The following EP300 variants were observed in gnomAD, a reference collection of about 807,000 sequenced individuals.
EP300 encodes EP300 lysine acetyltransferase.
Under a neutral mutation model 264.0 loss-of-function variants are expected in EP300, and 31 were observed. The observed-to-expected ratio is 0.12, with a 90% CI of 0.09 to 0.16. The LOEUF is 0.16. Ranked by LOEUF, EP300 falls within the 10% of genes least tolerant of loss-of-function variation. The pLI, the probability that EP300 is intolerant of heterozygous loss-of-function variation, is 1.00. For synonymous variants in EP300, 1,340 were observed against 1,045.4 expected (o/e 1.28, Z -5.44); for missense variants, 2,766 against 3,052.9 (o/e 0.91, Z 2.21).
intron 12 of EP300, among the ~76,000 whole-genome samples, chr22:41,148,595 T>A (rs887434386): frequency 1.3e-5 from 2 of 152,220 alleles, no homozygotes; most frequent in Non-Finnish European, 2.9e-5. Flanking sequence ...TTGTGGACCA[T>A]GAATGCTACC....
chr22:41,113,492 A>G (rs1385640992), intron 1 of EP300, among the ~76,000 whole-genome samples: 1 of 152,102 alleles, frequency 6.6e-6, no homozygotes, highest in Non-Finnish European at 1.5e-5. Context: ...TACTTAATTC[A>G]TTATTAGCAA....
intron 14 of EP300, among the ~76,000 whole-genome samples, chr22:41,150,880 A>G: frequency 6.6e-6 from 1 of 150,560 alleles, no homozygotes; most frequent in East Asian, 1.9e-4. Flanking sequence ...GACAGAGTGA[A>G]ACTCCGTCTA....
chr22:41,092,915 CCCCTGGGTG>C lies in EP300; in HGVS notation c.-88_-80del. ...GGTGCCGTCGGAGCCCCCCAGCCCACCCCTGGGTGCGGCGCGGGGACCCCGGGCCGAAGA... is the reference window on the plus strand; with the variant it reads ...GGTGCCGTCGGAGCCCCCCAGCCCACCGGCGCGGGGACCCCGGGCCGAAGA... On this transcript the variant is annotated 5_prime_UTR_variant, in exon 1 of 31. Transcript: ENST00000263253. 2.0e-6 allele frequency: 3 copies of C among 1,474,760 alleles called. No homozygotes were observed. The highest frequency in any genetic ancestry group is 2.8e-6 in the Non-Finnish European group (3 of 1,054,230). 91.4% of individuals were successfully genotyped at this position (1,474,760 alleles called of 1,614,324 possible). A position where few individuals can be genotyped will look rare whatever the true frequency, so the allele number is the denominator to read the frequency against.
rs2145764001 is a variant in EP300 at position 41,168,873 on chromosome 22, A to T, written c.4172+6A>T. The T allele has an allele frequency of 6.2e-7, 1 of 1,614,212 alleles. No homozygotes were observed. Among genetic ancestry groups the T allele is most frequent in the Non-Finnish European group, 8.5e-7 (1 of 1,180,040 alleles). On this transcript the variant is annotated splice_donor_region_variant and intron_variant, in intron 25 of 30. Coordinates refer to ENST00000263253, the MANE Select transcript of EP300 (RefSeq NM_001429.4). ...TGCCCTCCACCCAACCAGAGGTATG[A>T]CTAGCTCACAGTGGCTAGCTCCGGA...
Position 41,179,195 on chromosome 22 carries a change from TTG to T in EP300, c.*248_*249del, listed in dbSNP as rs1047830313. On this transcript the variant is annotated 3_prime_UTR_variant, in exon 31 of 31. Transcript: ENST00000263253. ...GGTTACCACCAGCCTTTCTTCCCCT[TTG>T]TGTGTGTGGTTCAAGTGTGCACTGG... is the stretch of plus-strand genomic sequence containing the variant. The T allele has an allele frequency of 1.1e-5, 6 of 558,434 alleles. No homozygotes were observed. Among genetic ancestry groups the T allele is most frequent in the African/African-American group, 7.5e-5 (4 of 53,240 alleles). The allele number at this position is 558,434 out of a possible 1,614,324, so 34.6% of individuals were successfully genotyped here.
chr22:41,166,762 AAT>A, intron 23 of EP300, 96 bp downstream of exon 23: 1 of 735,552 alleles, frequency 1.4e-6, no homozygotes, highest in Non-Finnish European at 2.3e-6. Flanking sequence ...TAATCACAGT[AAT>A]AGAGTAAAAA....
intron 12 of EP300, chr22:41,148,726 G>A (rs2059026163): frequency 2.4e-6 from 1 of 415,964 alleles, no homozygotes; most frequent in Non-Finnish European, 4.5e-6. Context: ...ACTTAACAGA[G>A]CATGCAAAGA....
At chr22:41,105,570 T>C (rs1260162231) in intron 1 of EP300, among the ~76,000 whole-genome samples, 1 of 151,832 alleles carries the variant, frequency 6.6e-6, no homozygotes, top group Non-Finnish European at 1.5e-5. Flanking sequence ...GGCTAATTTT[T>C]GTATTTTTAG....
chr22:41,123,433 T>C (rs1175470313), intron 2 of EP300, among the ~76,000 whole-genome samples: 1 of 152,190 alleles, frequency 6.6e-6, no homozygotes, highest in African/African-American at 2.4e-5. Context: ...TTTTTTTCTT[T>C]TATAGAGGCA....
At chr22:41,113,107 T>C (rs2058802259) in intron 1 of EP300, among the ~76,000 whole-genome samples, 1 of 150,856 alleles carries the variant, frequency 6.6e-6, no homozygotes, top group Non-Finnish European at 1.5e-5. Flanking sequence ...TATGTCTTAC[T>C]CTCATTTCAA....
At chr22:41,171,250 G>C (rs1332758780) in intron 27 of EP300, among the ~76,000 whole-genome samples, 2 of 152,010 alleles carry the variant, frequency 1.3e-5, no homozygotes, top group Non-Finnish European at 2.9e-5. Context: ...TGGGATTACA[G>C]GCATGAGCCA....
intron 5 of EP300, among the ~76,000 whole-genome samples, chr22:41,130,718 A>G (rs2058913970): frequency 6.6e-6 from 1 of 152,032 alleles, no homozygotes; most frequent in Admixed American, 6.6e-5. Flanking sequence ...TTTATACTAT[A>G]CTTGTGATCT....
rs2058832766 is a variant in EP300, at chr22:41,118,325, C to T, written c.729+504C>T. On this transcript the variant is annotated intron_variant, in intron 2 of 30. Coordinates refer to ENST00000263253, the MANE Select transcript of EP300 (RefSeq NM_001429.4). ...GTGTAGATGTTTCAGTGAACCAGAACTTGGCCAAAGACTTCTGTTAGCTTT... is the reference window on the plus strand; with the variant it reads ...GTGTAGATGTTTCAGTGAACCAGAATTTGGCCAAAGACTTCTGTTAGCTTT... Among the ~76,000 whole-genome samples the T allele has an allele frequency of 1.3e-5, 2 of 152,122 alleles. 1 individual carries two copies.
chr22:41,101,570 C>T (rs1024647144), intron 1 of EP300, among the ~76,000 whole-genome samples: 3 of 151,884 alleles, frequency 2.0e-5, no homozygotes, highest in Non-Finnish European at 2.9e-5. Context: ...CGCCACCATG[C>T]CCGGCTAATT....
At position 41,177,901 on chromosome 22, in the gene EP300, C is replaced by A; in HGVS notation, c.6190C>A (p.Pro2064Thr). The change falls in exon 31 of 31, where the codon CCC becomes ACC. Residue 2064 changes from proline (P) to threonine (T), a missense_variant. Physicochemically the swap from Pro to Thr is conservative, Grantham distance 38. Coordinates refer to ENST00000263253, the MANE Select transcript of EP300 (RefSeq NM_001429.4). ...GCGGACTCTCAGGTCTCCCAGCTCT[C>A]CCCTGCAGCAGCAACAGGTGCTTAG... The part of the protein sequence containing the change: ...LLRTLRSPSS[P>T]LQQQQVLSIL... The A allele has an allele frequency of 6.2e-7, 1 of 1,614,208 alleles. No individual in the cohort carries two copies. The highest frequency in any genetic ancestry group is 8.5e-7 in the Non-Finnish European group (1 of 1,180,026).
intron 10 of EP300, among the ~76,000 whole-genome samples, chr22:41,143,172 G>A (rs1435007658): frequency 6.6e-6 from 1 of 152,160 alleles, no homozygotes; most frequent in Non-Finnish European, 1.5e-5. Flanking sequence ...AAAAGTGGTC[G>A]GGCATGGTGG....
intron 2 of EP300, among the ~76,000 whole-genome samples, chr22:41,122,366 A>C (rs1344685521): frequency 6.6e-6 from 1 of 151,928 alleles, no homozygotes; most frequent in Non-Finnish European, 1.5e-5. Context: ...GGGTTTTACC[A>C]TGTTGGCCAG....
intron 12 of EP300, 134 bp from the exon 13 acceptor site, chr22:41,148,904 C>G (rs2059027034): frequency 8.5e-7 from 1 of 1,177,432 alleles, no homozygotes; most frequent in South Asian, 1.3e-5. Flanking sequence ...CTCTTCAGCC[C>G]TCTTCACCTA....
chr22:41,140,577 T>G (rs1218136596), intron 9 of EP300, among the ~76,000 whole-genome samples: 1 of 151,980 alleles, frequency 6.6e-6, no homozygotes, highest in Non-Finnish European at 1.5e-5. Context: ...AAGTCTGAGG[T>G]GGGCGGATCA....
Sources: gnomAD v4.1 joint callset for allele counts (sites outside exome capture counted in the v4.1 genomes callset) on GRCh38, gnomAD v4.1.1 for gene constraint, MANE v1.5 for transcripts, NCBI Gene and HGNC (gene_info 2026-07-23, HGNC 2026-07-21) for gene names.